The following MTUS1 variants were observed in gnomAD, a reference collection of about 807,000 sequenced individuals.
MTUS1 encodes microtubule-associated tumor suppressor 1.
Under a neutral mutation model 120.8 loss-of-function variants are expected in MTUS1, and 109 were observed. The observed-to-expected ratio is 0.90, with a 90% CI of 0.77 to 1.06. The LOEUF (loss-of-function observed/expected upper bound fraction) is 1.06, where lower values mean the gene tolerates loss of function less well. Ranked by LOEUF, MTUS1 falls within the 50% of genes least tolerant of loss-of-function variation. The probability of loss-of-function intolerance (pLI) is 0.00; values close to 1 mark genes in which losing one functional copy is unlikely to be tolerated. For synonymous variants in MTUS1, 737 were observed against 550.5 expected (o/e 1.34, Z -4.74); for missense variants, 2,210 against 1,486.3 (o/e 1.49, Z -8.01).
Position 17,684,334 on chromosome 8 carries a change from C to G in MTUS1, c.2832G>C (p.Leu944=). 6.2e-7 allele frequency: 1 copy of G among 1,613,296 alleles called. No homozygotes were observed. Among genetic ancestry groups the G allele is most frequent in the Non-Finnish European group, 8.5e-7 (1 of 1,179,188 alleles). ...EALTVVIQHL[L]SEREEALKQH... ...CTAGGATGCACCTCCTTACCTCAGA[C>G]AGCAGGTGCTGAATCACAACTGTCA... Residue 944 remains leucine (L), a synonymous_variant, in exon 7 of 15, where the codon CTG becomes CTC. Coordinates refer to ENST00000693296, the MANE Select transcript of MTUS1 (RefSeq NM_001363059.2).
In MTUS1 at chr8:17,753,890, T is replaced by C. The variant is rs1479085465; in HGVS notation, c.1918A>G (p.Ile640Val). ...VSALFQKIKG[I>V]LPVKMESAEC... ...GCACTTTCCATTTTAACAGGGAGTA[T>C]GCCTTTGATCTTCTGAAACAACGCA... The change falls in exon 2 of 15, where the codon ATA becomes GTA. Residue 640 changes from isoleucine to valine, a missense_variant. Physicochemically the swap from Ile to Val is conservative, Grantham distance 29. Transcript: ENST00000693296. 2.5e-6 allele frequency: 4 copies of C among 1,614,206 alleles called. No homozygotes were observed. The South Asian group carries it at 3.3e-5, about 13-fold the overall frequency.
At chr8:17,685,123 T>C (rs1404748506) in intron 6 of MTUS1, among the ~76,000 whole-genome samples, 1 of 152,206 alleles carries the variant, frequency 6.6e-6, no homozygotes, top group Non-Finnish European at 1.5e-5. Flanking sequence ...AGTTCACTGT[T>C]AGGAGTACTA....
intron 1 of MTUS1, among the ~76,000 whole-genome samples, chr8:17,774,691 A>T (rs1404212222): frequency 1.3e-5 from 2 of 152,202 alleles, no homozygotes; most frequent in African/African-American, 4.8e-5. Context: ...GGTTCCTCCA[A>T]GAGATAAACA....
chr8:17,709,774 C>T lies in MTUS1; in HGVS notation c.2623+3440G>A, dbSNP rs112649528. 4.6e-3 allele frequency among the ~76,000 whole-genome samples: 706 copies of T among 151,946 alleles called. 8 individuals carry two copies. Among genetic ancestry groups the T allele is most frequent in the Middle Eastern group, 0.02 (6 of 294 alleles). On this transcript the variant is annotated intron_variant, in intron 6 of 14. Transcript: ENST00000693296. ...CTGTAATCCCATCAGTTTGGGAGGC[C>T]GAGGCAGGTGGATCATGAAGTCAGG...
chr8:17,757,312 A>G (rs1016130549), intron 1 of MTUS1, among the ~76,000 whole-genome samples: 3 of 152,208 alleles, frequency 2.0e-5, no homozygotes, highest in Non-Finnish European at 4.4e-5. Flanking sequence ...GAAAGTCTAC[A>G]TACTATATGA....
intron 1 of MTUS1, among the ~76,000 whole-genome samples, chr8:17,772,810 A>C (rs1426178966): frequency 6.6e-6 from 1 of 152,330 alleles, no homozygotes; most frequent in South Asian, 2.1e-4. Context: ...CCTGTAATTC[A>C]GCACCAAAAA....
chr8:17,774,702 T>C (rs754943118), intron 1 of MTUS1, among the ~76,000 whole-genome samples: 2 of 152,178 alleles, frequency 1.3e-5, no homozygotes, highest in Non-Finnish European at 1.5e-5. Flanking sequence ...GAGATAAACA[T>C]AGAATTGCCA....
rs572366926 is a variant in MTUS1, at chr8:17,777,800, T to C, written c.-154-21839A>G. 3.0e-4 allele frequency among the ~76,000 whole-genome samples: 46 copies of C among 152,312 alleles called. 1 individual carries two copies. In the South Asian group the frequency reaches 8.5e-3, roughly 28 times the overall value. On this transcript the variant is annotated intron_variant, in intron 1 of 14. Coordinates refer to ENST00000693296, the MANE Select transcript of MTUS1 (RefSeq NM_001363059.2). ...CGTCAGAAATTTATTATAGGAAATATTTCAGCAGATTTTCAGTATATTTTC... is the reference window on the plus strand; with the variant it reads ...CGTCAGAAATTTATTATAGGAAATACTTCAGCAGATTTTCAGTATATTTTC...
rs28703087 is a variant in MTUS1, at chr8:17,672,261, T to C, written c.2905+2925A>G. On this transcript the variant is annotated intron_variant, in intron 8 of 14. Transcript: ENST00000693296. ...GCTGCATACATCCTAATACCTATTA[T>C]TTAATAGCAGTTAACACTTGGTGCT... Among the ~76,000 whole-genome samples, 1,421 of 152,320 alleles carry C rather than the reference T, an allele frequency of 9.3e-3. 22 individuals carry two copies. Among genetic ancestry groups the C allele is most frequent in the African/African-American group, 0.031 (1,301 of 41,568 alleles).
intron 1 of MTUS1, among the ~76,000 whole-genome samples, chr8:17,794,394 CTTTT>C (rs1022598203): frequency 2.6e-5 from 4 of 152,018 alleles, no homozygotes; most frequent in Admixed American, 1.3e-4. Context: ...TTTACTCATG[CTTTT>C]TATTTATCAT....
At position 17,781,286 on chromosome 8, in the gene MTUS1, C is replaced by G. The variant is rs78896573; in HGVS notation, c.-155+19775G>C. On this transcript the variant is annotated intron_variant, in intron 1 of 14. Transcript: ENST00000693296. ...AATTTCCAATCAAAGTTTCTTCCAG[C>G]CCATATGACTTCAACATACAATTTG... Among the ~76,000 whole-genome samples, 910 of 152,314 alleles carry G rather than the reference C, an allele frequency of 6.0e-3. 8 individuals carry two copies. The highest frequency in any genetic ancestry group is 0.021 in the African/African-American group (858 of 41,570).
rs543709899 is a variant in MTUS1 at position 17,709,915 on chromosome 8, G to A, written c.2623+3299C>T. ...CCAGCTACTCGGGAGGCTGAGGCAG[G>A]AGAATGGCGTGAACCCGGGAGGCAG... is the stretch of plus-strand genomic sequence containing the variant. On this transcript the variant is annotated intron_variant, in intron 6 of 14. Transcript: ENST00000693296. 1.1e-4 allele frequency among the ~76,000 whole-genome samples: 16 copies of A among 151,930 alleles called. No homozygotes were observed. In the East Asian group the frequency reaches 2.9e-3, roughly 28 times the overall value.
At chr8:17,797,887 G>C (rs2052374431) in intron 1 of MTUS1, among the ~76,000 whole-genome samples, 1 of 152,052 alleles carries the variant, frequency 6.6e-6, no homozygotes. Flanking sequence ...TCACAACACA[G>C]AGAAAGAACC....
intron 4 of MTUS1, among the ~76,000 whole-genome samples, chr8:17,718,981 C>A (rs1429852536): frequency 1.3e-5 from 2 of 151,822 alleles, no homozygotes; most frequent in African/African-American, 4.8e-5. Flanking sequence ...ACCAGCCTGG[C>A]CAATATGGCA....
intron 6 of MTUS1, among the ~76,000 whole-genome samples, chr8:17,702,029 C>T (rs942981719): frequency 3.3e-5 from 5 of 152,082 alleles, no homozygotes; most frequent in South Asian, 2.1e-4. Flanking sequence ...AAAATGTCAA[C>T]GAACTTAATT....
intron 9 of MTUS1, 71 bp downstream of exon 9, chr8:17,655,792 A>T: frequency 7.7e-7 from 1 of 1,304,672 alleles, no homozygotes; most frequent in Non-Finnish European, 1.1e-6. Flanking sequence ...GCTCATCAAG[A>T]TGTGAAGAGC....
intron 10 of MTUS1, 126 bp downstream of exon 10, chr8:17,654,435 A>G (rs1480976963): frequency 7.4e-6 from 5 of 672,880 alleles, no homozygotes; most frequent in Non-Finnish European, 1.3e-5. Context: ...AGGAACCAAG[A>G]ACACCCCAGC....
In MTUS1 at chr8:17,755,867, G is replaced by C. The variant is rs2048571989; in HGVS notation, c.-60C>G. The stretch of plus-strand genomic sequence containing the variant: ...TTCTTCTTCAATTCCTTTTAAATGA[G>C]AGGGTGGGCAAAATGGTCTGTCTTC... On this transcript the variant is annotated 5_prime_UTR_variant, in exon 2 of 15. Coordinates refer to ENST00000693296, the MANE Select transcript of MTUS1 (RefSeq NM_001363059.2). 1.3e-6 allele frequency: 2 copies of C among 1,543,262 alleles called. No individual in the cohort carries two copies. Among genetic ancestry groups the C allele is most frequent in the Non-Finnish European group, 1.7e-6 (2 of 1,150,676 alleles).
chr8:17,770,302 C>T (rs2049930145), intron 1 of MTUS1: 1 of 151,862 alleles, frequency 6.6e-6, no homozygotes, highest in Non-Finnish European at 1.5e-5. Flanking sequence ...TGATAAATAC[C>T]ACAAACAAAA....
Sources: allele counts gnomAD v4.1 joint callset (sites outside exome capture counted in the v4.1 genomes callset), GRCh38; gene constraint gnomAD v4.1.1; transcripts MANE v1.5; gene names NCBI Gene and HGNC (gene_info 2026-07-23, HGNC 2026-07-21).